The following DMD variants were observed in gnomAD, a reference collection of about 807,000 sequenced individuals.
DMD encodes the protein mutant dystrophin.
In DMD, 63 loss-of-function variants were observed where a neutral mutation model predicts 330.1. The ratio of observed to expected loss-of-function variants is 0.19; its 90% CI spans 0.16 to 0.24. The LOEUF (loss-of-function observed/expected upper bound fraction) is 0.24, where lower values mean the gene tolerates loss of function less well. DMD is among the 10% of genes least tolerant of loss of function. The probability of loss-of-function intolerance (pLI) is 1.00; values close to 1 mark genes in which losing one functional copy is unlikely to be tolerated. For synonymous variants in DMD, 1,223 were observed against 959.8 expected, an observed-to-expected ratio of 1.27 and a Z score of -5.07; for missense variants, 3,344 against 2,684.1, an observed-to-expected ratio of 1.25 and a Z score of -5.43.
chrX:31,438,368 G>A (rs1268837197), intron 60 of DMD, among the ~76,000 whole-genome samples: 1 of 111,844 alleles, frequency 8.9e-6, no homozygotes, highest in East Asian at 2.8e-4. Flanking sequence ...AGCCTCACTT[G>A]AAAGTTTGTT....
chrX:32,364,520 C>A, intron 36 of DMD, 62 bp downstream of exon 36: 4 of 1,150,868 alleles, frequency 3.5e-6, no homozygotes, highest in Non-Finnish European at 4.8e-6. Context: ...TCTTTTAGGA[C>A]AAAGATGATT....
chrX:33,152,763 G>A lies in DMD; in HGVS notation c.31+58519C>T, dbSNP rs758434216. Among the ~76,000 whole-genome samples, 15 of 111,272 alleles carry A rather than the reference G, an allele frequency of 1.3e-4. No individual in the cohort carries two copies. In the South Asian group the frequency reaches 5.2e-3, roughly 39 times the overall value. The stretch of plus-strand genomic sequence containing the variant: ...TTGCCATTTTATGGTCATTCCAAAC[G>A]AGAAAAGCTGCTTCATTCCAGGAAT... On this transcript the variant is annotated intron_variant, in intron 1 of 78. Coordinates refer to ENST00000357033, the MANE Select transcript of DMD (RefSeq NM_004006.3).
At chrX:32,517,033 A>G (rs1569565139) in intron 18 of DMD, 1 of 111,461 alleles carries the variant, frequency 9.0e-6, no homozygotes, top group East Asian at 2.8e-4. Flanking sequence ...GAATATATAT[A>G]TATCTTTTGT....
intron 7 of DMD, among the ~76,000 whole-genome samples, chrX:32,735,143 C>G (rs1190722144): frequency 9.2e-6 from 1 of 108,182 alleles, no homozygotes; most frequent in Non-Finnish European, 1.9e-5. Flanking sequence ...AGAGCCAAAT[C>G]ATGAGTGAAC....
intron 11 of DMD, among the ~76,000 whole-genome samples, chrX:32,619,080 G>A (rs1045713224): frequency 1.8e-5 from 2 of 111,201 alleles, no homozygotes; most frequent in African/African-American, 3.3e-5. Context: ...ACATATGAAC[G>A]GATAAAGAAA....
intron 55 of DMD, among the ~76,000 whole-genome samples, chrX:31,511,239 T>A (rs965493728): frequency 9.3e-6 from 1 of 107,552 alleles, no homozygotes; most frequent in East Asian, 2.8e-4. Context: ...ACATTATACA[T>A]AATATAATAT....
chrX:32,923,389 C>T (rs1488398632), intron 2 of DMD, among the ~76,000 whole-genome samples: 1 of 109,377 alleles, frequency 9.1e-6, no homozygotes, highest in African/African-American at 3.3e-5. Context: ...AGCGAAACCC[C>T]ATCTCTACTA....
intron 77 of DMD, among the ~76,000 whole-genome samples, chrX:31,129,325 A>G (rs1490252841): frequency 8.9e-6 from 1 of 112,118 alleles, no homozygotes; most frequent in African/African-American, 3.2e-5. Flanking sequence ...AAAAAATTCA[A>G]ATGGCCACAC....
chrX:32,649,306 G>A (rs2059978658), intron 9 of DMD, among the ~76,000 whole-genome samples: 1 of 109,568 alleles, frequency 9.1e-6, no homozygotes, highest in South Asian at 3.9e-4. Context: ...TGTAATCCCA[G>A]CACTTTGGGA....
intron 1 of DMD, among the ~76,000 whole-genome samples, chrX:33,080,974 TCACA>T (rs763162216): frequency 0.019 from 1,746 of 92,682 alleles, 37 homozygotes; most frequent in African/African-American, 0.062. Context: ...TTTATAAACA[TCACA>T]CACACACACA....
intron 44 of DMD, among the ~76,000 whole-genome samples, chrX:32,210,359 C>A (rs1043530688): frequency 4.5e-5 from 5 of 111,342 alleles, no homozygotes; most frequent in Admixed American, 9.6e-5. Flanking sequence ...AAAGGACAAG[C>A]AATGGTATGA....
intron 1 of DMD, among the ~76,000 whole-genome samples, chrX:33,101,213 G>A: frequency 8.9e-6 from 1 of 112,450 alleles, no homozygotes; most frequent in African/African-American, 3.2e-5. Context: ...GGAAAATACA[G>A]TTTTTGGATC....
chrX:31,372,370 G>C (rs1454059946), intron 60 of DMD, among the ~76,000 whole-genome samples: 1 of 112,048 alleles, frequency 8.9e-6, no homozygotes, highest in Admixed American at 9.5e-5. Context: ...GTTGGTGTCA[G>C]CGGGAATGAT....
chrX:32,634,604 T>C (rs1445523456), intron 11 of DMD, among the ~76,000 whole-genome samples: 1 of 111,925 alleles, frequency 8.9e-6, no homozygotes, highest in Non-Finnish European at 1.9e-5. Context: ...GGCTCTCTTC[T>C]GGCCCAGGGT....
chrX:32,661,373 T>C (rs2060932609), intron 9 of DMD, among the ~76,000 whole-genome samples: 1 of 104,266 alleles, frequency 9.6e-6, no homozygotes, highest in African/African-American at 4.1e-5. Context: ...GGGATGATTA[T>C]TGTCTACATT....
chrX:32,217,234 C>T, intron 43 of DMD, among the ~76,000 whole-genome samples, 171 bp from the exon 44 acceptor site: 1 of 111,271 alleles, frequency 9.0e-6, no homozygotes, highest in Non-Finnish European at 1.9e-5. Flanking sequence ...ACACACCTAG[C>T]ATGTACACAC....
intron 1 of DMD, among the ~76,000 whole-genome samples, chrX:33,060,495 C>G (rs1467682334): frequency 9.0e-6 from 1 of 111,318 alleles, no homozygotes; most frequent in African/African-American, 3.3e-5. Flanking sequence ...AGTTAATAAA[C>G]AGAGAGTACC....
intron 44 of DMD, among the ~76,000 whole-genome samples, chrX:32,131,694 T>A (rs2096695711): frequency 8.9e-6 from 1 of 112,061 alleles, no homozygotes; most frequent in African/African-American, 3.2e-5. Flanking sequence ...TTCAAGAAAA[T>A]GGGTCATTTA....
intron 4 of DMD, among the ~76,000 whole-genome samples, chrX:32,832,341 A>C (rs2079219856): frequency 9.0e-6 from 1 of 111,674 alleles, no homozygotes; most frequent in African/African-American, 3.2e-5. Flanking sequence ...TAAAAGGGAA[A>C]TCCCATGCAT....
Sources: gnomAD v4.1 joint callset for allele counts (sites outside exome capture counted in the v4.1 genomes callset) on GRCh38, gnomAD v4.1.1 for gene constraint, MANE v1.5 for transcripts, NCBI Gene and HGNC (gene_info 2026-07-23, HGNC 2026-07-21) for gene names.